The following PAX3 variants were observed in gnomAD, a reference collection of about 807,000 sequenced individuals.
PAX3 encodes paired box protein Pax-3.
In PAX3, 14 loss-of-function variants were observed where a neutral mutation model predicts 51.6. The observed-to-expected ratio is 0.27, with a 90% CI of 0.18 to 0.42. The LOEUF (loss-of-function observed/expected upper bound fraction) is 0.42, where lower values mean the gene tolerates loss of function less well. PAX3 is among the 10% of genes least tolerant of loss of function. The probability of loss-of-function intolerance (pLI) is 1.00; values close to 1 mark genes in which losing one functional copy is unlikely to be tolerated. For synonymous variants in PAX3, 280 were observed against 253.4 expected (o/e 1.11, Z -1.00); for missense variants, 540 against 642.8 (o/e 0.84, Z 1.73).
rs182490766 is a variant in PAX3, at chr2:222,283,180, G to A, written c.586+10987C>T. Among the ~76,000 whole-genome samples, 493 of 152,300 alleles carry A rather than the reference G, an allele frequency of 3.2e-3. 4 individuals are homozygous for A. Among genetic ancestry groups the A allele is most frequent in the African/African-American group, 0.011 (470 of 41,546 alleles). On this transcript the variant is annotated intron_variant, in intron 4 of 8. Transcript: ENST00000392070. Reference sequence around the variant, plus strand: ...CATGTTGTTAAATAAGTCATCCTTTGCCAGTATGATGGAGTACTATGCAGC... The same window carrying A: ...CATGTTGTTAAATAAGTCATCCTTTACCAGTATGATGGAGTACTATGCAGC...
chr2:222,289,960 C>G (rs887807564), intron 4 of PAX3, among the ~76,000 whole-genome samples: 3 of 152,162 alleles, frequency 2.0e-5, no homozygotes, highest in Admixed American at 2.0e-4. Flanking sequence ...GGAAAGTGGG[C>G]TGGTCTGTCC....
At chr2:222,225,685 A>G (rs917138300) in intron 5 of PAX3, among the ~76,000 whole-genome samples, 7 of 152,218 alleles carry the variant, frequency 4.6e-5, no homozygotes, top group Non-Finnish European at 1.0e-4. Context: ...TAAACGGGGA[A>G]TATAAAAACT....
chr2:222,220,209 G>A lies in PAX3; in HGVS notation c.1104C>T (p.Asp368=), dbSNP rs1692134647. 4 of 1,613,878 alleles carry A rather than the reference G, an allele frequency of 2.5e-6. No individual in the cohort carries two copies. Among genetic ancestry groups the A allele is most frequent in the Non-Finnish European group, 3.4e-6 (4 of 1,179,974 alleles). ...AGGGCCCCGACGGAGGCACAAAGCT[G>A]TCTGTATAGCTGGAAAATCCATGCC... ...STRHGFSSYT[D]SFVPPSGPSN... Residue 368 remains aspartate (D), a synonymous_variant, in exon 7 of 9, where the codon GAC becomes GAT. Transcript: ENST00000392070.
chr2:222,239,233 G>A (rs575590576), intron 4 of PAX3, among the ~76,000 whole-genome samples: 38 of 152,248 alleles, frequency 2.5e-4, no homozygotes, highest in African/African-American at 9.2e-4. Flanking sequence ...CCATCAGCAG[G>A]GCATTTACCC....
chr2:222,253,213 A>T (rs1270488387), intron 4 of PAX3, among the ~76,000 whole-genome samples: 2 of 152,218 alleles, frequency 1.3e-5, no homozygotes, highest in Non-Finnish European at 2.9e-5. Context: ...TGGCTCCCAG[A>T]TTCCCTGTCT....
intron 7 of PAX3, among the ~76,000 whole-genome samples, chr2:222,211,269 T>C (rs13401125): frequency 0.027 from 4,145 of 152,296 alleles, 164 homozygotes; most frequent in African/African-American, 0.089. Context: ...CAAGACAATT[T>C]TTTTAGTATC....
chr2:222,221,203 C>T lies in PAX3; in HGVS notation c.958+19G>A, dbSNP rs982825117. The T allele has an allele frequency of 2.5e-6, 4 of 1,613,138 alleles. No homozygotes were observed. Among genetic ancestry groups the T allele is most frequent in the Non-Finnish European group, 3.4e-6 (4 of 1,179,298 alleles). On this transcript the variant is annotated intron_variant, in intron 6 of 8. Coordinates refer to ENST00000392070, the MANE Select transcript of PAX3 (RefSeq NM_181458.4). ...CGCCTGGAAGTTACTTTCTAATCTCCTTGACTCTTCCTCGGTACCTTGTGG... is the reference window on the plus strand; with the variant it reads ...CGCCTGGAAGTTACTTTCTAATCTCTTTGACTCTTCCTCGGTACCTTGTGG...
At chr2:222,278,746 A>T (rs772670905) in intron 4 of PAX3, among the ~76,000 whole-genome samples, 2 of 152,292 alleles carry the variant, frequency 1.3e-5, no homozygotes, top group Non-Finnish European at 2.9e-5. Context: ...TGAAGACAGG[A>T]TCTGCTGAGG....
intron 5 of PAX3, among the ~76,000 whole-genome samples, chr2:222,230,158 A>T (rs1477595686): frequency 6.6e-6 from 1 of 152,074 alleles, no homozygotes; most frequent in Non-Finnish European, 1.5e-5. Flanking sequence ...CCTGGGCTAC[A>T]GAATGAGACC....
At chr2:222,242,709 A>G (rs1304816226) in intron 4 of PAX3, 2 of 152,260 alleles carry the variant, frequency 1.3e-5, no homozygotes, top group Admixed American at 6.5e-5. Flanking sequence ...TTGTGAAAAC[A>G]TAAGCATAAA....
In PAX3 at chr2:222,266,773, A is replaced by G. The variant is rs560424686; in HGVS notation, c.586+27394T>C. Among the ~76,000 whole-genome samples, 13 of 152,338 alleles carry G rather than the reference A, an allele frequency of 8.5e-5. No individual in the cohort carries two copies. The South Asian group carries it at 1.0e-3, about 12-fold the overall frequency. On this transcript the variant is annotated intron_variant, in intron 4 of 8. Transcript: ENST00000392070. ...GTGGGAGAGAAAATTCTCTTCCCCT[A>G]TGATTTCAGAGAGCCACTGAAACCA...
chr2:222,283,727 G>A (rs1328155478), intron 4 of PAX3, among the ~76,000 whole-genome samples: 1 of 152,230 alleles, frequency 6.6e-6, no homozygotes, highest in Non-Finnish European at 1.5e-5. Flanking sequence ...CTGGGGGCCC[G>A]GCTGGCCAAG....
chr2:222,233,439 C>T lies in PAX3; in HGVS notation c.587-1156G>A, dbSNP rs2106097502. On this transcript the variant is annotated intron_variant, in intron 4 of 8. Transcript: ENST00000392070. The stretch of plus-strand genomic sequence containing the variant: ...GAATCTGTGGCTGCAACTAGCAAAA[C>T]CTGGGCACAAGTGGTTCCATTTCCA... Among the ~76,000 whole-genome samples, 2 of 152,276 alleles carry T rather than the reference C, an allele frequency of 1.3e-5. 1 individual carries two copies. Among genetic ancestry groups the T allele is most frequent in the South Asian group, 4.1e-4 (2 of 4,824 alleles).
Position 222,201,343 on chromosome 2 carries a change from T to C in PAX3, c.*65A>G. 1 of 1,611,020 alleles carries C rather than the reference T, an allele frequency of 6.2e-7. No homozygotes were observed. The highest frequency in any genetic ancestry group is 1.7e-5 in the Admixed American group (1 of 59,728). ...AATTTTTTTTTGTTTTCAGAGCAGATTCTTCATATCTAGGCTGCGAAGACC... is the reference window on the plus strand; with the variant it reads ...AATTTTTTTTTGTTTTCAGAGCAGACTCTTCATATCTAGGCTGCGAAGACC... On this transcript the variant is annotated 3_prime_UTR_variant, in exon 9 of 9. Coordinates refer to ENST00000392070, the MANE Select transcript of PAX3 (RefSeq NM_181458.4).
Position 222,200,890 on chromosome 2 carries a change from G to T in PAX3, c.*518C>A, listed in dbSNP as rs767672604. On this transcript the variant is annotated 3_prime_UTR_variant, in exon 9 of 9. Coordinates refer to ENST00000392070, the MANE Select transcript of PAX3 (RefSeq NM_181458.4). ...TCAATTTCCAGTGTGTAAGAGTCAA[G>T]GATTCCTCCATTCTTGCTTCATGAA... The T allele has an allele frequency of 1.2e-5, 6 of 495,032 alleles. No individual in the cohort carries two copies. The highest frequency in any genetic ancestry group is 1.9e-5 in the African/African-American group (1 of 52,196). 30.7% of individuals were successfully genotyped at this position (495,032 alleles called of 1,614,324 possible).
chr2:222,288,628 A>G (rs548229213), intron 4 of PAX3, among the ~76,000 whole-genome samples: 1 of 152,346 alleles, frequency 6.6e-6, no homozygotes, highest in African/African-American at 2.4e-5. Flanking sequence ...CAACAGGCAG[A>G]TAGTAGCTGC....
At chr2:222,258,526 C>T (rs908260316) in intron 4 of PAX3, among the ~76,000 whole-genome samples, 4 of 152,116 alleles carry the variant, frequency 2.6e-5, no homozygotes, top group Admixed American at 2.0e-4. Flanking sequence ...CACCACCCTG[C>T]CCCTGCCTTT....
intron 5 of PAX3, among the ~76,000 whole-genome samples, chr2:222,227,677 A>T (rs1399079428): frequency 6.6e-6 from 1 of 152,052 alleles, no homozygotes; most frequent in South Asian, 2.1e-4. Flanking sequence ...TATTTGCATG[A>T]TATTAATAAC....
At chr2:222,254,815 C>T (rs1014387532) in intron 4 of PAX3, among the ~76,000 whole-genome samples, 5 of 152,034 alleles carry the variant, frequency 3.3e-5, no homozygotes, top group African/African-American at 1.2e-4. Flanking sequence ...CTTAGTCTTG[C>T]TCTATTGGCC....
Sources: gnomAD v4.1 joint callset for allele counts (sites outside exome capture counted in the v4.1 genomes callset) on GRCh38, gnomAD v4.1.1 for gene constraint, MANE v1.5 for transcripts, NCBI Gene and HGNC (gene_info 2026-07-23, HGNC 2026-07-21) for gene names.